HLCS: variants seen among roughly 807,000 people sequenced by gnomAD.
HLCS encodes the protein holocarboxylase synthetase.
In HLCS, 53 loss-of-function variants were observed where a neutral mutation model predicts 75.0. That is an observed-to-expected ratio of 0.71 (90% CI 0.57 to 0.89). The LOEUF (loss-of-function observed/expected upper bound fraction) is 0.89. Ranked by LOEUF, HLCS falls within the 40% of genes least tolerant of loss-of-function variation. The pLI is 0.00. For synonymous variants in HLCS, 431 were observed against 428.6 expected (o/e 1.01, Z -0.07); for missense variants, 966 against 1,074.0 (o/e 0.90, Z 1.41).
At chr21:36,877,958 G>A (rs1481928124) in intron 6 of HLCS, among the ~76,000 whole-genome samples, 1 of 151,484 alleles carries the variant, frequency 6.6e-6, no homozygotes, top group African/African-American at 2.4e-5. Flanking sequence ...TCAAATCATT[G>A]TTCCTCACTG....
intron 10 of HLCS, among the ~76,000 whole-genome samples, chr21:36,755,436 G>A (rs769716654): frequency 4.0e-5 from 6 of 151,144 alleles, no homozygotes; most frequent in Admixed American, 6.6e-5. Flanking sequence ...TTTTTTAAAA[G>A]CTGCAGGCAT....
At chr21:36,777,542 C>T (rs2060397259) in intron 6 of HLCS, among the ~76,000 whole-genome samples, 1 of 152,242 alleles carries the variant, frequency 6.6e-6, no homozygotes, top group Non-Finnish European at 1.5e-5. Context: ...AATCCAGGAT[C>T]ATCTGATGCA....
chr21:36,755,319 T>C (rs2089521630), intron 10 of HLCS, among the ~76,000 whole-genome samples: 1 of 151,866 alleles, frequency 6.6e-6, no homozygotes, highest in South Asian at 2.1e-4. Context: ...GAGGATCATT[T>C]GAGCCCGGGA....
At chr21:36,795,823 A>C (rs1779908141) in intron 6 of HLCS, among the ~76,000 whole-genome samples, 1 of 152,266 alleles carries the variant, frequency 6.6e-6, no homozygotes, top group African/African-American at 2.4e-5. Context: ...GCAAATGCCC[A>C]ATACATCTAA....
At chr21:36,947,157 C>T (rs1454137767) in intron 2 of HLCS, among the ~76,000 whole-genome samples, 1 of 152,158 alleles carries the variant, frequency 6.6e-6, no homozygotes, top group Non-Finnish European at 1.5e-5. Context: ...TTGATTTAGC[C>T]CCCTGCGGTA....
At chr21:36,773,207 T>C (rs765778989) in intron 6 of HLCS, among the ~76,000 whole-genome samples, 9 of 152,252 alleles carry the variant, frequency 5.9e-5, no homozygotes, top group Non-Finnish European at 1.2e-4. Context: ...TGGATTAAGC[T>C]TGCAGCTGCC....
chr21:36,970,265 CTA>C (rs2068749733), upstream of HLCS, among the ~76,000 whole-genome samples: 1 of 152,170 alleles, frequency 6.6e-6, no homozygotes, highest in Non-Finnish European at 1.5e-5. Flanking sequence ...CAGGGTCTTG[CTA>C]TGTCACCCAG....
chr21:36,966,553 A>C lies in HLCS; in HGVS notation c.86T>G (p.Leu29Arg). The C allele has an allele frequency of 1.0e-6, 1 of 1,001,556 alleles. No homozygotes were observed. The highest frequency in any genetic ancestry group is 1.7e-5 in the African/African-American group (1 of 57,202). 62.0% of individuals were successfully genotyped at this position (1,001,556 alleles called of 1,614,324 possible). Residue 29 changes from leucine to arginine, a missense_variant, in exon 1 of 11, where the codon CTG (leucine) becomes CGG (arginine). By Grantham distance (102) the Leu-to-Arg change is moderately radical (BLOSUM62 -2). Coordinates refer to ENST00000674895, the MANE Select transcript of HLCS (RefSeq NM_001352514.2). ...GGTGAAGGAACAGCGCGAGGCACGCAGCCGCCGCACCGTGGCGCGCACGAG... is the reference window on the plus strand; with the variant it reads ...GGTGAAGGAACAGCGCGAGGCACGCCGCCGCCGCACCGTGGCGCGCACGAG... ...AELVRATVRR[L>R]RASRCSFTFC...
chr21:36,913,093 G>A (rs947428416), intron 5 of HLCS, among the ~76,000 whole-genome samples: 1 of 152,034 alleles, frequency 6.6e-6, no homozygotes, highest in South Asian at 2.1e-4. Flanking sequence ...CTTTCCAGGC[G>A]ACACCTCTGC....
chr21:36,836,240 A>G (rs1230696998), intron 6 of HLCS, among the ~76,000 whole-genome samples: 1 of 152,156 alleles, frequency 6.6e-6, no homozygotes, highest in Non-Finnish European at 1.5e-5. Flanking sequence ...GCAAGACAGG[A>G]GCAAGAGCTA....
At chr21:36,845,884 TC>T (rs1387894179) in intron 6 of HLCS, among the ~76,000 whole-genome samples, 1 of 152,116 alleles carries the variant, frequency 6.6e-6, no homozygotes, top group African/African-American at 2.4e-5. Flanking sequence ...TGCCACCTCT[TC>T]TTGGTGGCCC....
intron 6 of HLCS, among the ~76,000 whole-genome samples, chr21:36,809,808 G>A (rs528957273): frequency 5.9e-5 from 9 of 152,288 alleles, no homozygotes; most frequent in African/African-American, 2.2e-4. Context: ...GTGTGATCAT[G>A]GCTCACTGCA....
chr21:36,848,126 T>C (rs8134687), intron 6 of HLCS, among the ~76,000 whole-genome samples: 14,238 of 152,148 alleles, frequency 0.094, 985 homozygotes, highest in African/African-American at 0.18. Context: ...CTACTTGGGT[T>C]AAATTCCTAC....
chr21:36,854,819 C>T (rs1035015886), intron 6 of HLCS, among the ~76,000 whole-genome samples: 4 of 152,232 alleles, frequency 2.6e-5, no homozygotes, highest in Non-Finnish European at 5.9e-5. Flanking sequence ...CCACTGGACA[C>T]ACATTTAGAT....
At chr21:36,902,448 C>T (rs1208780065) in intron 5 of HLCS, among the ~76,000 whole-genome samples, 1 of 152,196 alleles carries the variant, frequency 6.6e-6, no homozygotes, top group East Asian at 1.9e-4. Context: ...GACACCTGGT[C>T]TTATGACCCC....
In HLCS at chr21:36,862,757, C is replaced by T. The variant is rs529182202; in HGVS notation, c.1892+34103G>A. 8.5e-5 allele frequency among the ~76,000 whole-genome samples: 13 copies of T among 152,072 alleles called. No individual in the cohort carries two copies. In the East Asian group the frequency reaches 2.3e-3, roughly 27 times the overall value. On this transcript the variant is annotated intron_variant, in intron 6 of 10. Coordinates refer to ENST00000674895, the MANE Select transcript of HLCS (RefSeq NM_001352514.2). ...TCGCTGCTCTCGCATGGCTGATGAGCCTTATAGAGCCTACATCACATCTCT... is the reference window on the plus strand; with the variant it reads ...TCGCTGCTCTCGCATGGCTGATGAGTCTTATAGAGCCTACATCACATCTCT...
At chr21:36,976,372 T>C (rs1431059665) in intron 1 of HLCS, among the ~76,000 whole-genome samples, 4 of 151,740 alleles carry the variant, frequency 2.6e-5, no homozygotes, top group Non-Finnish European at 5.9e-5. Context: ...AGTAAGTCAT[T>C]ACTGTTTTAA....
At chr21:36,848,273 T>TG (rs1426281742) in intron 6 of HLCS, among the ~76,000 whole-genome samples, 5 of 133,598 alleles carry the variant, frequency 3.7e-5, no homozygotes, top group East Asian at 2.1e-4. Flanking sequence ...TAATTGTTGT[T>TG]TTTTTTTTTT....
chr21:36,925,320 G>A (rs1055828106), intron 5 of HLCS, among the ~76,000 whole-genome samples: 20 of 152,158 alleles, frequency 1.3e-4, no homozygotes, highest in African/African-American at 1.7e-4. Context: ...GAGTCCAGCC[G>A]GCTTGTGTTT....
Sources: allele counts gnomAD v4.1 joint callset (sites outside exome capture counted in the v4.1 genomes callset), GRCh38; gene constraint gnomAD v4.1.1; transcripts MANE v1.5; gene names NCBI Gene and HGNC (gene_info 2026-07-23, HGNC 2026-07-21).